The following ETV6 variants were observed in gnomAD, a reference collection of about 807,000 sequenced individuals.
ETV6 encodes the protein transcription factor ETV6.
A neutral mutation model predicts 51.1 loss-of-function variants in ETV6; 16 were observed. The ratio of observed to expected loss-of-function variants is 0.31; its 90% CI spans 0.21 to 0.48. The LOEUF is 0.48. Among genes scored for constraint, ETV6 ranks in the 20% least tolerant of loss-of-function variants. The pLI is 0.99. For synonymous variants in ETV6, 240 were observed against 224.1 expected, an observed-to-expected ratio of 1.07 and a Z score of -0.64; for missense variants, 458 against 594.8, an observed-to-expected ratio of 0.77 and a Z score of 2.39.
chr12:11,670,264 A>G (rs1287494830), intron 1 of ETV6, among the ~76,000 whole-genome samples: 1 of 152,170 alleles, frequency 6.6e-6, no homozygotes, highest in Non-Finnish European at 1.5e-5. Context: ...ATAATTTCAA[A>G]TTTCTAATAA....
intron 2 of ETV6, among the ~76,000 whole-genome samples, chr12:11,777,065 C>T (rs530189974): frequency 1.2e-4 from 19 of 152,100 alleles, no homozygotes; most frequent in African/African-American, 4.6e-4. Flanking sequence ...AGTGAAACCC[C>T]GTCTCTGCTA....
At chr12:11,838,268 G>A (rs1476396535) in intron 2 of ETV6, among the ~76,000 whole-genome samples, 3 of 152,172 alleles carry the variant, frequency 2.0e-5, no homozygotes, top group African/African-American at 7.2e-5. Context: ...CAAAGGTCTC[G>A]GGAACCCTGA....
At chr12:11,758,127 A>G (rs910450628) in intron 2 of ETV6, among the ~76,000 whole-genome samples, 3 of 152,192 alleles carry the variant, frequency 2.0e-5, no homozygotes, top group Non-Finnish European at 4.4e-5. Context: ...ATAAAAAACC[A>G]TGGTAATAGA....
At chr12:11,672,466 T>C (rs1864336850) in intron 1 of ETV6, among the ~76,000 whole-genome samples, 1 of 152,212 alleles carries the variant, frequency 6.6e-6, no homozygotes, top group Non-Finnish European at 1.5e-5. Context: ...TTTACGCTCT[T>C]GCCAGCCCCC....
At chr12:11,852,133 G>T (rs1338592600) in intron 3 of ETV6, among the ~76,000 whole-genome samples, 1 of 152,144 alleles carries the variant, frequency 6.6e-6, no homozygotes, top group African/African-American at 2.4e-5. Flanking sequence ...ACCCCCAAAG[G>T]GTTTTGAGGC....
chr12:11,746,451 C>T (rs945484095), intron 1 of ETV6, among the ~76,000 whole-genome samples: 3 of 152,184 alleles, frequency 2.0e-5, no homozygotes, highest in Non-Finnish European at 4.4e-5. Context: ...GGAACACATA[C>T]CACATGCTCA....
intron 1 of ETV6, among the ~76,000 whole-genome samples, chr12:11,746,086 A>G (rs1179470377): frequency 6.6e-5 from 10 of 152,212 alleles, no homozygotes; most frequent in Non-Finnish European, 1.0e-4. Flanking sequence ...ATGCATAAGA[A>G]GGTAGGTGCC....
At chr12:11,886,118 C>T (rs1488225466) in intron 7 of ETV6, 92 bp downstream of exon 7, 36 of 887,132 alleles carry the variant, frequency 4.1e-5, no homozygotes, top group Non-Finnish European at 3.2e-5. Flanking sequence ...AGATCTCTAC[C>T]TGCCTATCGG....
At chr12:11,710,653 G>A (rs1320829201) in intron 1 of ETV6, among the ~76,000 whole-genome samples, 2 of 151,408 alleles carry the variant, frequency 1.3e-5, no homozygotes, top group African/African-American at 2.4e-5. Context: ...ATTATAGTGC[G>A]CCTATTGCCT....
chr12:11,683,028 T>G (rs1864561440), intron 1 of ETV6, among the ~76,000 whole-genome samples: 1 of 152,250 alleles, frequency 6.6e-6, no homozygotes, highest in South Asian at 2.1e-4. Flanking sequence ...GATTCCTCCT[T>G]GAGTAGATTC....
chr12:11,853,513 T>G lies in ETV6; in HGVS notation c.415T>G (p.Ser139Ala). The change falls in exon 4 of 8, where the codon TCT becomes GCT. Residue 139 changes from serine to alanine, a missense_variant. Physicochemically the swap from Ser to Ala is moderately conservative, Grantham distance 99. Around this residue, in one of 4 missense-constraint regions of ETV6, gnomAD observed 293 missense variants for 315.7 expected, o/e 0.93. Coordinates refer to ENST00000396373, the MANE Select transcript of ETV6 (RefSeq NM_001987.5). ...TTCACCATTCTTCCACCCTGGAAAC[T>G]CTATACACACACAGCCGGAGGTCAT... ...LFSPFFHPGN[S>A]IHTQPEVILH... 1 of 1,614,240 alleles carries G rather than the reference T, an allele frequency of 6.2e-7. No individual in the cohort carries two copies. Among genetic ancestry groups the G allele is most frequent in the Non-Finnish European group, 8.5e-7 (1 of 1,180,044 alleles).
chr12:11,809,347 A>G (rs1945877181), intron 2 of ETV6, among the ~76,000 whole-genome samples: 1 of 152,136 alleles, frequency 6.6e-6, no homozygotes, highest in South Asian at 2.1e-4. Flanking sequence ...GAGATGGTAG[A>G]AGGGAGGAAT....
rs1383030229 is a variant in ETV6, at chr12:11,892,545, T to G, written c.*1499T>G. The stretch of plus-strand genomic sequence containing the variant: ...TTTTCTAGCCATCTAAATTGACTCT[T>G]CCAATATAGGTCTCAGAAATCCAAT... On this transcript the variant is annotated 3_prime_UTR_variant, in exon 8 of 8. Transcript: ENST00000396373. 4 of 232,832 alleles carry G rather than the reference T, an allele frequency of 1.7e-5. No individual in the cohort carries two copies. Among genetic ancestry groups the G allele is most frequent in the African/African-American group, 8.8e-5 (4 of 45,248 alleles). 14.4% of individuals were successfully genotyped at this position (232,832 alleles called of 1,614,324 possible).
chr12:11,652,455 C>T (rs1250970829), intron 1 of ETV6, among the ~76,000 whole-genome samples: 1 of 152,200 alleles, frequency 6.6e-6, no homozygotes, highest in East Asian at 1.9e-4. Flanking sequence ...AAGCAAGTTG[C>T]TTGCTTCTAG....
chr12:11,681,169 C>T (rs998144190), intron 1 of ETV6, among the ~76,000 whole-genome samples: 1 of 152,172 alleles, frequency 6.6e-6, no homozygotes, highest in African/African-American at 2.4e-5. Context: ...AGCTGTAAGC[C>T]GTCTGCATCC....
rs757410264 is a variant in ETV6 at position 11,704,496 on chromosome 12, G to A, written c.34-47954G>A. On this transcript the variant is annotated intron_variant, in intron 1 of 7. Coordinates refer to ENST00000396373, the MANE Select transcript of ETV6 (RefSeq NM_001987.5). ...CGAGCAGCTGGGATTACAGGTGCAC[G>A]CCACCACAACCGGCTAATTTTTGTA... Among the ~76,000 whole-genome samples, 7 of 152,054 alleles carry A rather than the reference G, an allele frequency of 4.6e-5. No individual in the cohort carries two copies. The East Asian group carries it at 7.7e-4, about 17-fold the overall frequency.
chr12:11,836,454 A>G (rs949773298), intron 2 of ETV6, among the ~76,000 whole-genome samples: 2 of 152,116 alleles, frequency 1.3e-5, no homozygotes, highest in Non-Finnish European at 2.9e-5. Flanking sequence ...TTCCTCTTGT[A>G]CATAAGCCGA....
Position 11,869,629 on chromosome 12 carries a change from G to T in ETV6, c.669G>T (p.Pro223=), listed in dbSNP as rs746757399. 29 of 1,614,054 alleles carry T rather than the reference G, an allele frequency of 1.8e-5. No individual in the cohort carries two copies. The highest frequency in any genetic ancestry group is 2.3e-5 in the Non-Finnish European group (27 of 1,180,036). Residue 223 remains proline (P), a synonymous_variant, in exon 5 of 8, where the codon CCG becomes CCT. Transcript: ENST00000396373. The surrounding 1 kb of genome is among the most constrained non-coding windows in gnomAD (Gnocchi z 5.0). The part of the protein sequence containing the change: ...SPAERAQGPR[P]HQENNHQESY... ...CTGAGAGAGCTCAGGGACCCAGGCC[G>T]CACCAGGAGAACAACCACCAGGAGT...
chr12:11,741,321 A>C (rs1865805259), intron 1 of ETV6, among the ~76,000 whole-genome samples: 1 of 152,170 alleles, frequency 6.6e-6, no homozygotes, highest in Non-Finnish European at 1.5e-5. Context: ...CCCAATCTCC[A>C]ATCTCTCCAT....
Sources: allele counts gnomAD v4.1 joint callset (sites outside exome capture counted in the v4.1 genomes callset), GRCh38; gene constraint gnomAD v4.1.1; regional missense constraint gnomAD v4.1.1; non-coding constraint Gnocchi (gnomAD v3.1); transcripts MANE v1.5; gene names NCBI Gene and HGNC (gene_info 2026-07-23, HGNC 2026-07-21).